The following PLGRKT variants were observed in gnomAD, a reference collection of about 807,000 sequenced individuals.
PLGRKT encodes the protein plasminogen receptor (KT).
In PLGRKT, 22 loss-of-function variants were observed where a neutral mutation model predicts 18.5. That is an observed-to-expected ratio of 1.19 (90% CI 0.85 to 1.70). The LOEUF (loss-of-function observed/expected upper bound fraction) is 1.70. Ranked by LOEUF, PLGRKT falls within the 40% of genes most tolerant of loss-of-function variation. The probability of loss-of-function intolerance (pLI) is 0.00; values close to 1 mark genes in which losing one functional copy is unlikely to be tolerated. For synonymous variants in PLGRKT, 72 were observed against 52.8 expected (o/e 1.36, Z -1.58); for missense variants, 235 against 174.4 (o/e 1.35, Z -1.96).
At chr9:5,421,175 A>G (rs757228559) in intron 3 of PLGRKT, among the ~76,000 whole-genome samples, 37 of 152,174 alleles carry the variant, frequency 2.4e-4, no homozygotes, top group Admixed American at 4.6e-4. Flanking sequence ...AGTTCTGGCC[A>G]TACCAGCCTC....
At chr9:5,371,996 T>TTTTTTTA (rs1416131009) in intron 3 of PLGRKT, among the ~76,000 whole-genome samples, 10 of 136,470 alleles carry the variant, frequency 7.3e-5, no homozygotes, top group Non-Finnish European at 1.6e-4. Flanking sequence ...CTTTTTTTTT[T>TTTTTTTA]TTTGATATGG....
chr9:5,381,983 C>T, intron 3 of PLGRKT: 5 of 985,352 alleles, frequency 5.1e-6, no homozygotes, highest in Non-Finnish European at 6.0e-6. Context: ...GCACTCCTCC[C>T]CTGGCTTGTT....
rs753609610 is a variant in PLGRKT at position 5,361,073 on chromosome 9, C to G, written c.322+5G>C. The G allele has an allele frequency of 1.2e-4, 169 of 1,397,996 alleles. No individual in the cohort carries two copies. The highest frequency in any genetic ancestry group is 1.5e-5 in the Non-Finnish European group (15 of 991,590). The allele number at this position is 1,397,996 out of a possible 1,614,324, so 86.6% of individuals were successfully genotyped here. On this transcript the variant is annotated splice_donor_5th_base_variant and intron_variant, in intron 5 of 5. Transcript: ENST00000223864. The stretch of plus-strand genomic sequence containing the variant: ...AATAGAAACTCTAGTTTACCAAAGA[C>G]TTACCTTTCATTCTTTCTAAAAGGG...
chr9:5,385,316 T>C (rs184829035), intron 3 of PLGRKT, among the ~76,000 whole-genome samples: 1 of 152,010 alleles, frequency 6.6e-6, no homozygotes, highest in Admixed American at 6.6e-5. Flanking sequence ...CTGCTTGAGT[T>C]GAAAAGGACA....
intron 3 of PLGRKT, among the ~76,000 whole-genome samples, chr9:5,385,793 G>C (rs1405423193): frequency 6.6e-6 from 1 of 151,858 alleles, no homozygotes; most frequent in Non-Finnish European, 1.5e-5. Context: ...TTCGAGCAAA[G>C]ACACTGACAG....
intron 3 of PLGRKT, among the ~76,000 whole-genome samples, chr9:5,401,252 A>G (rs1818148362): frequency 1.3e-5 from 2 of 151,448 alleles, no homozygotes; most frequent in African/African-American, 4.9e-5. Flanking sequence ...AAAGACATAA[A>G]GAAATAAGAA....
chr9:5,375,496 A>G (rs7854996), intron 3 of PLGRKT, among the ~76,000 whole-genome samples: 33,845 of 152,164 alleles, frequency 0.22, 3,881 homozygotes, highest in South Asian at 0.29. Flanking sequence ...AATGTACCAA[A>G]TGAAATAATA....
intron 3 of PLGRKT, among the ~76,000 whole-genome samples, chr9:5,411,873 T>G (rs1318486190): frequency 6.6e-6 from 1 of 152,190 alleles, no homozygotes; most frequent in African/African-American, 2.4e-5. Context: ...AATGACTCAA[T>G]AGTTCTTCAC....
At chr9:5,427,868 T>C (rs1818733609) in intron 3 of PLGRKT, among the ~76,000 whole-genome samples, 1 of 152,172 alleles carries the variant, frequency 6.6e-6, no homozygotes, top group African/African-American at 2.4e-5. Context: ...TGGTAGTAAA[T>C]GCTCTTGCCT....
intron 3 of PLGRKT, among the ~76,000 whole-genome samples, chr9:5,395,571 G>C (rs1323894886): frequency 6.6e-6 from 1 of 151,868 alleles, no homozygotes; most frequent in Admixed American, 6.6e-5. Flanking sequence ...AGTAATATAA[G>C]AGCAGGTGAA....
chr9:5,375,289 T>C (rs565320814), intron 3 of PLGRKT, among the ~76,000 whole-genome samples: 33 of 152,194 alleles, frequency 2.2e-4, no homozygotes, highest in South Asian at 1.2e-3. Context: ...TTGAAAACAA[T>C]AGTGGTTCAT....
At chr9:5,386,850 G>T (rs1334603805) in intron 3 of PLGRKT, among the ~76,000 whole-genome samples, 1 of 151,928 alleles carries the variant, frequency 6.6e-6, no homozygotes, top group Non-Finnish European at 1.5e-5. Context: ...GGAACCCTAT[G>T]ACTGGGTCAG....
chr9:5,409,775 G>T (rs1818327845), intron 3 of PLGRKT, among the ~76,000 whole-genome samples: 1 of 152,182 alleles, frequency 6.6e-6, no homozygotes, highest in African/African-American at 2.4e-5. Context: ...CTGCCCTGCT[G>T]GGTTTTAGAT....
chr9:5,366,812 T>G (rs887781088), intron 3 of PLGRKT, among the ~76,000 whole-genome samples: 1 of 152,004 alleles, frequency 6.6e-6, no homozygotes, highest in Non-Finnish European at 1.5e-5. Flanking sequence ...AAATAATCCC[T>G]CCTCACTGAA....
chr9:5,365,678 T>C (rs1270840713), intron 3 of PLGRKT, among the ~76,000 whole-genome samples: 16 of 152,322 alleles, frequency 1.1e-4, no homozygotes, highest in African/African-American at 3.8e-4. Flanking sequence ...GTGGGATGTA[T>C]TGAATAGTAA....
At chr9:5,406,579 G>T (rs1818261633) in intron 3 of PLGRKT, among the ~76,000 whole-genome samples, 1 of 151,908 alleles carries the variant, frequency 6.6e-6, no homozygotes, top group Non-Finnish European at 1.5e-5. Context: ...GAGACAGGGA[G>T]GGGAACAACA....
In PLGRKT at chr9:5,361,113, T is replaced by A. The variant is rs752917748; in HGVS notation, c.287A>T (p.Asp96Val). ...TTCTAAAAGGGTTCCATAGCCCAAG[T>A]CATACTGGTAGGTGAGGATAAAGCT... ...PLSFILTYQY[D>V]LGYGTLLERM... is the part of the protein sequence containing the mutation. The change falls in exon 5 of 6, where the codon GAC becomes GTC. Residue 96 changes from aspartate to valine, a missense_variant. Coordinates refer to ENST00000223864, the MANE Select transcript of PLGRKT (RefSeq NM_018465.4). 3 of 1,605,850 alleles carry A rather than the reference T, an allele frequency of 1.9e-6. No homozygotes were observed. Among genetic ancestry groups the A allele is most frequent in the East Asian group, 2.2e-5 (1 of 44,818 alleles).
At chr9:5,414,825 A>G (rs1818428916) in intron 3 of PLGRKT, among the ~76,000 whole-genome samples, 1 of 152,200 alleles carries the variant, frequency 6.6e-6, no homozygotes, top group African/African-American at 2.4e-5. Flanking sequence ...AGGAAAAAAA[A>G]CTTATGAATG....
chr9:5,410,433 A>G (rs1007265755), intron 3 of PLGRKT, among the ~76,000 whole-genome samples: 1 of 151,638 alleles, frequency 6.6e-6, no homozygotes, highest in Non-Finnish European at 1.5e-5. Flanking sequence ...CAGAGGTTGC[A>G]GTGAGCAGTG....
Sources: allele counts gnomAD v4.1 joint callset (sites outside exome capture counted in the v4.1 genomes callset), GRCh38; gene constraint gnomAD v4.1.1; transcripts MANE v1.5; gene names NCBI Gene and HGNC (gene_info 2026-07-23, HGNC 2026-07-21).